Variants in ADRA1A observed in about 807,000 individuals in gnomAD.
ADRA1A encodes the protein alpha-1A adrenergic receptor.
Under a neutral mutation model 29.6 loss-of-function variants are expected in ADRA1A, and 31 were observed. The observed-to-expected ratio is 1.05, with a 90% CI of 0.79 to 1.41. The LOEUF (loss-of-function observed/expected upper bound fraction) is 1.41, where lower values mean the gene tolerates loss of function less well. ADRA1A is among the 40% of genes most tolerant of loss of function. ADRA1A has a pLI of 0.00. For missense variants in ADRA1A, 619 were observed against 601.1 expected (o/e 1.03, Z -0.31); for synonymous variants, 311 against 254.3 (o/e 1.22, Z -2.12).
At chr8:26,838,381 A>G (rs1269162846) in intron 2 of ADRA1A, among the ~76,000 whole-genome samples, 1 of 152,070 alleles carries the variant, frequency 6.6e-6, no homozygotes, top group East Asian at 1.9e-4. Context: ...GAAAATCCAG[A>G]CCCTTCACCC....
intron 2 of ADRA1A, among the ~76,000 whole-genome samples, chr8:26,855,862 T>C (rs1052484281): frequency 6.6e-6 from 1 of 152,166 alleles, no homozygotes; most frequent in Non-Finnish European, 1.5e-5. Flanking sequence ...TACAGTAAAC[T>C]TGTTAGACAA....
chr8:26,864,620 A>C lies in ADRA1A; in HGVS notation c.350T>G (p.Leu117Arg), dbSNP rs1813753776. The C allele has an allele frequency of 1.2e-6, 2 of 1,614,022 alleles. No individual in the cohort carries two copies. Among genetic ancestry groups the C allele is most frequent in the East Asian group, 2.2e-5 (1 of 44,874 alleles). ...GTAGCGGTCGATGGAGATGATGCAG[A>C]GGCCCATGATGGACGCGGTGCAGCA... ...VLCCTASIMG[L>R]CIISIDRYIG... The change falls in exon 2 of 3, where the codon CTC (leucine) becomes CGC (arginine). Residue 117 changes from leucine (L) to arginine (R), a missense_variant. Leu to Arg is a moderately radical substitution (Grantham distance 102, BLOSUM62 -2). Transcript: ENST00000380573. This position sits in a 1 kb window ranked among gnomAD's most constrained non-coding sequence, Gnocchi z 8.1.
chr8:26,756,920 G>A (rs895612506), intron 2 of ADRA1A: 1 of 1,322,630 alleles, frequency 7.6e-7, no homozygotes, highest in Non-Finnish European at 1.0e-6. Context: ...ATTTTTCCAA[G>A]TTCAGACTTC....
intron 2 of ADRA1A, among the ~76,000 whole-genome samples, chr8:26,780,996 G>A (rs1169323392): frequency 6.6e-6 from 1 of 152,148 alleles, no homozygotes; most frequent in African/African-American, 2.4e-5. Flanking sequence ...ATATTACAAT[G>A]TAATAAGAAT....
At position 26,787,390 on chromosome 8, in the gene ADRA1A, G is replaced by A. The variant is rs1807474373; in HGVS notation, c.884-16724C>T. On this transcript the variant is annotated intron_variant, in intron 2 of 2. Coordinates refer to ENST00000380573, the MANE Select transcript of ADRA1A (RefSeq NM_000680.4). This position sits in a 1 kb window ranked among gnomAD's most constrained non-coding sequence, Gnocchi z 4.2. ...GGTTTGTTCAGAATAGACATGTTTG[G>A]ACATGGAAAAAAAACCCACACATAC... is the stretch of plus-strand genomic sequence containing the variant. Among the ~76,000 whole-genome samples the A allele has an allele frequency of 6.6e-6, 1 of 151,944 alleles. No homozygotes were observed. The highest frequency in any genetic ancestry group is 2.4e-5 in the African/African-American group (1 of 41,370).
At chr8:26,750,859 C>T (rs934697938) in intron 2 of ADRA1A, among the ~76,000 whole-genome samples, 1 of 152,114 alleles carries the variant, frequency 6.6e-6, no homozygotes, top group Admixed American at 6.5e-5. Context: ...CACCTGAGGT[C>T]GGGAGTTCGA....
chr8:26,756,752 G>T (rs1197060922), exon 3 of ADRA1A: 1 of 1,614,160 alleles, frequency 6.2e-7, no homozygotes, highest in Non-Finnish European at 8.5e-7. Flanking sequence ...TGGACGGGAA[G>T]CTGGCTTCAT....
At chr8:26,847,523 A>G (rs1283634788) in intron 2 of ADRA1A, among the ~76,000 whole-genome samples, 1 of 152,232 alleles carries the variant, frequency 6.6e-6, no homozygotes, top group Non-Finnish European at 1.5e-5. Context: ...CTTTTTCATT[A>G]AGAGGAACTA....
At chr8:26,813,016 A>C (rs929257564) in intron 2 of ADRA1A, among the ~76,000 whole-genome samples, 2 of 146,204 alleles carry the variant, frequency 1.4e-5, no homozygotes, top group African/African-American at 5.6e-5. Context: ...AAAGACCTCT[A>C]GTTTGATATA....
At chr8:26,829,275 G>A (rs535515151) in intron 2 of ADRA1A, among the ~76,000 whole-genome samples, 1 of 152,226 alleles carries the variant, frequency 6.6e-6, no homozygotes, top group African/African-American at 2.4e-5. Context: ...GACAAAAAGT[G>A]GCTACAAAGC....
intron 2 of ADRA1A, among the ~76,000 whole-genome samples, chr8:26,800,690 T>C (rs575255072): frequency 6.6e-6 from 1 of 152,228 alleles, no homozygotes; most frequent in South Asian, 2.1e-4. Flanking sequence ...AAAGAAGAAC[T>C]AATACGAATC....
chr8:26,836,740 A>G (rs1811392164), intron 2 of ADRA1A, among the ~76,000 whole-genome samples: 1 of 152,258 alleles, frequency 6.6e-6, no homozygotes, highest in African/African-American at 2.4e-5. Context: ...CCAAGTTTAC[A>G]AAAATAAACT....
At chr8:26,844,616 C>T (rs1424345547) in intron 2 of ADRA1A, among the ~76,000 whole-genome samples, 4 of 152,132 alleles carry the variant, frequency 2.6e-5, no homozygotes, top group African/African-American at 9.7e-5. Context: ...GGTGCCAAGA[C>T]CACTCAGTGG....
chr8:26,858,881 C>A (rs982540509), intron 2 of ADRA1A: 3 of 226,100 alleles, frequency 1.3e-5, no homozygotes, highest in African/African-American at 7.0e-5. Context: ...AAGATTTAGA[C>A]TTGGAAGCAG....
chr8:26,763,082 G>A (rs1212514724), downstream of ADRA1A, among the ~76,000 whole-genome samples: 3 of 151,988 alleles, frequency 2.0e-5, no homozygotes, highest in Non-Finnish European at 2.9e-5. This position sits in a 1 kb window ranked among gnomAD's most constrained non-coding sequence, Gnocchi z 4.5. Context: ...AGGAGGAGGA[G>A]GAAGAAGAGA....
rs370636136 is a variant in ADRA1A, at chr8:26,837,902, ATTACT to A, written c.883+26180_883+26184del. Among the ~76,000 whole-genome samples, 682 of 152,338 alleles carry A rather than the reference ATTACT, an allele frequency of 4.5e-3. 3 individuals are homozygous for A. Among genetic ancestry groups the A allele is most frequent in the Non-Finnish European group, 7.2e-3 (491 of 68,042 alleles). On this transcript the variant is annotated intron_variant, in intron 2 of 2. Coordinates refer to ENST00000380573, the MANE Select transcript of ADRA1A (RefSeq NM_000680.4). ...CTGCCTTTGATTCCTATCTCAATAC[ATTACT>A]TTAGTCTCTACCAAAGTAATACGGA... is the stretch of plus-strand genomic sequence containing the variant.
chr8:26,838,752 G>A (rs181520849), intron 2 of ADRA1A, among the ~76,000 whole-genome samples: 75 of 152,314 alleles, frequency 4.9e-4, no homozygotes, highest in African/African-American at 1.6e-3. Context: ...AGAAGATAAA[G>A]GTACTGTGTG....
At chr8:26,780,961 G>A (rs1452043561) in intron 2 of ADRA1A, among the ~76,000 whole-genome samples, 1 of 152,148 alleles carries the variant, frequency 6.6e-6, no homozygotes, top group Non-Finnish European at 1.5e-5. Context: ...CTACATTATG[G>A]TGAGTTGTAT....
In ADRA1A at chr8:26,821,842, T is replaced by A. The variant is rs979108333; in HGVS notation, c.883+42245A>T. On this transcript the variant is annotated intron_variant, in intron 2 of 2. Coordinates refer to ENST00000380573, the MANE Select transcript of ADRA1A (RefSeq NM_000680.4). The surrounding 1 kb of genome is among the most constrained non-coding windows in gnomAD (Gnocchi z 5.6). ...TTTCAAGAATGTTATGTAAATAGAG[T>A]CATACAGTATGCAATCATTTTGGGA... Among the ~76,000 whole-genome samples, 6 of 152,210 alleles carry A rather than the reference T, an allele frequency of 3.9e-5. No individual in the cohort carries two copies. Among genetic ancestry groups the A allele is most frequent in the South Asian group, 2.1e-4 (1 of 4,828 alleles).
Sources: gnomAD v4.1 joint callset for allele counts (sites outside exome capture counted in the v4.1 genomes callset) on GRCh38, gnomAD v4.1.1 for gene constraint, Gnocchi (gnomAD v3.1) non-coding constraint, MANE v1.5 for transcripts, NCBI Gene and HGNC (gene_info 2026-07-23, HGNC 2026-07-21) for gene names.